Variants in EIF2B3 observed in about 807,000 individuals in gnomAD.
EIF2B3 encodes translation initiation factor eIF2B subunit gamma.
Under a neutral mutation model 54.1 loss-of-function variants are expected in EIF2B3, and 20 were observed. The observed-to-expected ratio is 0.37, with a 90% CI of 0.26 to 0.54. The LOEUF is 0.54. Among genes scored for constraint, EIF2B3 ranks in the 20% least tolerant of loss-of-function variants. EIF2B3 has a pLI of 0.86. For synonymous variants in EIF2B3, 153 were observed against 188.1 expected (o/e 0.81, Z 1.52); for missense variants, 448 against 547.8 (o/e 0.82, Z 1.82).
intron 2 of EIF2B3, among the ~76,000 whole-genome samples, chr1:44,979,962 A>G (rs753290762): frequency 1.3e-5 from 2 of 151,656 alleles, no homozygotes; most frequent in Non-Finnish European, 2.9e-5. Context: ...TGAGACTCCA[A>G]CATTTTAAAT....
At chr1:44,876,896 C>T (rs1655179767) in intron 8 of EIF2B3, among the ~76,000 whole-genome samples, 1 of 136,788 alleles carries the variant, frequency 7.3e-6, no homozygotes, top group Non-Finnish European at 1.5e-5. Flanking sequence ...GCGACCTTAC[C>T]CCCAACCCTG....
intron 3 of EIF2B3, among the ~76,000 whole-genome samples, chr1:44,946,138 T>TC (rs1160906706): frequency 6.6e-6 from 1 of 152,162 alleles, no homozygotes; most frequent in Non-Finnish European, 1.5e-5. Flanking sequence ...TCCCCAAGGA[T>TC]CACAAGGAAC....
chr1:44,894,335 T>C (rs115162705), intron 6 of EIF2B3, among the ~76,000 whole-genome samples: 2,251 of 152,022 alleles, frequency 0.015, 63 homozygotes, highest in African/African-American at 0.052. Flanking sequence ...TCAAAGAGAG[T>C]ACAGATTTTC....
intron 3 of EIF2B3, among the ~76,000 whole-genome samples, chr1:44,948,560 A>T (rs1479653766): frequency 1.3e-5 from 2 of 152,154 alleles, no homozygotes; most frequent in Non-Finnish European, 2.9e-5. Context: ...TTAAAAAAAT[A>T]TATAGATCAC....
chr1:44,926,191 G>C (rs1643847063), intron 5 of EIF2B3, among the ~76,000 whole-genome samples: 1 of 152,102 alleles, frequency 6.6e-6, no homozygotes, highest in African/African-American at 2.4e-5. Flanking sequence ...TTGCACCACT[G>C]TACTCCAGCC....
At chr1:44,923,257 G>T (rs184143840) in intron 5 of EIF2B3, among the ~76,000 whole-genome samples, 119 of 152,272 alleles carry the variant, frequency 7.8e-4, no homozygotes, top group African/African-American at 2.7e-3. Flanking sequence ...CCAGTACTAT[G>T]CTGGGTAACA....
chr1:44,870,017 C>T (rs114629076), intron 10 of EIF2B3, among the ~76,000 whole-genome samples: 1,870 of 152,022 alleles, frequency 0.012, 41 homozygotes, highest in African/African-American at 0.043. Context: ...AGTGAGACCT[C>T]GTCTCTACTA....
chr1:44,906,849 T>C (rs919030229), intron 5 of EIF2B3, among the ~76,000 whole-genome samples: 1 of 152,198 alleles, frequency 6.6e-6, no homozygotes, highest in African/African-American at 2.4e-5. Context: ...ATCTGAAGCA[T>C]AGTCCTATCC....
intron 3 of EIF2B3, among the ~76,000 whole-genome samples, chr1:44,943,148 C>T (rs985694291): frequency 1.9e-4 from 29 of 151,864 alleles, no homozygotes; most frequent in Admixed American, 4.6e-4. Flanking sequence ...TGAGCCACCA[C>T]GCCCGGCCTT....
chr1:44,852,178 G>A (rs1419572275), intron 11 of EIF2B3, among the ~76,000 whole-genome samples: 4 of 146,962 alleles, frequency 2.7e-5, no homozygotes, highest in Admixed American at 6.9e-5. Flanking sequence ...TGGCCAGGCT[G>A]GTCTGGAACT....
intron 10 of EIF2B3, among the ~76,000 whole-genome samples, chr1:44,860,268 G>C (rs1553167930): frequency 6.6e-6 from 1 of 152,110 alleles, no homozygotes; most frequent in Non-Finnish European, 1.5e-5. Context: ...TCCTGCTTCA[G>C]CCCCCCAAGT....
At chr1:44,937,125 T>C (rs1643956703) in intron 4 of EIF2B3, 2 of 152,230 alleles carry the variant, frequency 1.3e-5, no homozygotes, top group African/African-American at 4.8e-5. Context: ...AGTATCAGTC[T>C]GCTAGATCCA....
At chr1:44,880,041 T>C (rs1362503350) in intron 7 of EIF2B3, 33 bp from the exon 8 acceptor site, 17 of 1,608,576 alleles carry the variant, frequency 1.1e-5, no homozygotes, top group Admixed American at 1.7e-5. Flanking sequence ...AGGAAATAAA[T>C]GAGAGAGAGA....
intron 1 of EIF2B3, among the ~76,000 whole-genome samples, chr1:44,983,073 T>C (rs1255572438): frequency 6.6e-6 from 1 of 151,664 alleles, no homozygotes; most frequent in East Asian, 1.9e-4. Context: ...CCTGGCCGCC[T>C]GGCTAATTCT....
Position 44,897,446 on chromosome 1 carries a change from T to A in EIF2B3, c.567-2A>T. ...GTGTGGAAACGTATTCTAGGATGCC[T>A]GCAAAAAAATAAAAAATAAAAGAAA... On this transcript the variant is annotated splice_acceptor_variant, in intron 5 of 11. Coordinates refer to ENST00000360403, the MANE Select transcript of EIF2B3 (RefSeq NM_020365.5). LOFTEE classifies it high-confidence loss of function. 2 of 1,604,028 alleles carry A rather than the reference T, an allele frequency of 1.2e-6. No individual in the cohort carries two copies. The highest frequency in any genetic ancestry group is 1.7e-6 in the Non-Finnish European group (2 of 1,174,766).
At chr1:44,950,495 A>C (rs1468409035) in intron 3 of EIF2B3, among the ~76,000 whole-genome samples, 1 of 152,190 alleles carries the variant, frequency 6.6e-6, no homozygotes, top group Admixed American at 6.6e-5. Flanking sequence ...CATACAGATA[A>C]AAAACAAAGT....
intron 10 of EIF2B3, among the ~76,000 whole-genome samples, chr1:44,864,347 C>T (rs1337552015): frequency 1.3e-5 from 2 of 151,926 alleles, no homozygotes; most frequent in Non-Finnish European, 2.9e-5. Context: ...GGTGGATCAC[C>T]TGTGGTCAGG....
rs1172493096 is a variant in EIF2B3, at chr1:44,871,821, T to C, written c.1202+2857A>G. On this transcript the variant is annotated intron_variant, in intron 10 of 11. Coordinates refer to ENST00000360403, the MANE Select transcript of EIF2B3 (RefSeq NM_020365.5). ...TGAAGAGGTGACATTTGAGCTAAGA[T>C]CAAAATAGGGAGATGTTTCTGGAAT... Among the ~76,000 whole-genome samples the C allele has an allele frequency of 3.3e-5, 5 of 150,560 alleles. No homozygotes were observed. The South Asian group carries it at 1.0e-3, about 32-fold the overall frequency.
At chr1:44,967,446 CAA>C (rs1293426095) in intron 3 of EIF2B3, among the ~76,000 whole-genome samples, 2 of 95,184 alleles carry the variant, frequency 2.1e-5, no homozygotes, top group Admixed American at 1.2e-4. Context: ...GACTCTGTCT[CAA>C]AAAAAAAAAA....
Sources: gnomAD v4.1 joint callset for allele counts (sites outside exome capture counted in the v4.1 genomes callset) on GRCh38, gnomAD v4.1.1 for gene constraint, MANE v1.5 for transcripts, NCBI Gene and HGNC (gene_info 2026-07-23, HGNC 2026-07-21) for gene names.